Variants in THSD7B observed in about 807,000 individuals in gnomAD.
The protein encoded by THSD7B is thrombospondin type 1 domain containing 7B, also known as thrombospondin type-1 domain-containing protein 7B.
A neutral mutation model predicts 213.6 loss-of-function variants in THSD7B; 138 were observed. That is an observed-to-expected ratio of 0.65 (90% CI 0.56 to 0.74). The LOEUF (loss-of-function observed/expected upper bound fraction) is 0.74. THSD7B is among the 30% of genes least tolerant of loss of function. THSD7B has a pLI of 0.00. For synonymous variants in THSD7B, 742 were observed against 687.0 expected, an observed-to-expected ratio of 1.08 and a Z score of -1.25; for missense variants, 1,931 against 1,991.5, an observed-to-expected ratio of 0.97 and a Z score of 0.58.
intron 2 of THSD7B, chr2:136,990,875 T>C: frequency 7.5e-7 from 1 of 1,339,520 alleles, no homozygotes; most frequent in Non-Finnish European, 9.9e-7. Context: ...AGAAGTAAAA[T>C]ATTCAGAGGC....
At chr2:136,958,555 A>G (rs1257659523) in intron 2 of THSD7B, among the ~76,000 whole-genome samples, 1 of 152,234 alleles carries the variant, frequency 6.6e-6, no homozygotes. Context: ...GATATTGACC[A>G]AAGGGTAGAG....
chr2:137,530,838 T>C (rs1263833753), intron 15 of THSD7B, among the ~76,000 whole-genome samples: 1 of 152,022 alleles, frequency 6.6e-6, no homozygotes, highest in African/African-American at 2.4e-5. Context: ...AAGGCTTGAC[T>C]TCACAAGGAT....
chr2:137,474,736 T>C (rs1266313858), intron 15 of THSD7B, among the ~76,000 whole-genome samples: 1 of 152,224 alleles, frequency 6.6e-6, no homozygotes, highest in Non-Finnish European at 1.5e-5. Context: ...AGTCATTTAT[T>C]TGTTTGAATC....
Position 137,394,519 on chromosome 2 carries a change from A to G in THSD7B, c.2501-11094A>G, listed in dbSNP as rs1014925290. On this transcript the variant is annotated intron_variant, in intron 12 of 27. Coordinates refer to ENST00000409968, the MANE Select transcript of THSD7B (RefSeq NM_001316349.2). Reference sequence around the variant, plus strand: ...GGGCTGTGTTCTGTTCCATTGATCTATATCTCTGTTTTGGTACCAGTACCA... The same window carrying G: ...GGGCTGTGTTCTGTTCCATTGATCTGTATCTCTGTTTTGGTACCAGTACCA... Among the ~76,000 whole-genome samples, 796 of 135,902 alleles carry G rather than the reference A, an allele frequency of 5.9e-3. 101 individuals carry two copies. Among genetic ancestry groups the G allele is most frequent in the African/African-American group, 0.021 (756 of 36,596 alleles). The allele number at this position is 135,902 out of a possible 152,430, so 89.2% of individuals were successfully genotyped here.
At chr2:137,360,632 T>C (rs962717638) in intron 12 of THSD7B, among the ~76,000 whole-genome samples, 1 of 152,144 alleles carries the variant, frequency 6.6e-6, no homozygotes, top group Admixed American at 6.5e-5. Context: ...ATTGAACTGC[T>C]GGGCGGCAAG....
intron 12 of THSD7B, among the ~76,000 whole-genome samples, chr2:137,283,957 T>C (rs1438429804): frequency 6.6e-6 from 1 of 152,150 alleles, no homozygotes; most frequent in East Asian, 1.9e-4. Context: ...TTGATTGGAA[T>C]AGTTTCAGAA....
chr2:137,575,024 A>G (rs1273849324), intron 17 of THSD7B, among the ~76,000 whole-genome samples: 1 of 152,072 alleles, frequency 6.6e-6, no homozygotes, highest in Non-Finnish European at 1.5e-5. Flanking sequence ...ATTGGGACAA[A>G]TTCACTATTT....
chr2:137,476,485 G>T (rs1487471815), intron 15 of THSD7B, among the ~76,000 whole-genome samples: 1 of 152,024 alleles, frequency 6.6e-6, no homozygotes, highest in African/African-American at 2.4e-5. Flanking sequence ...ATCTCTGATT[G>T]ATTTTTATAT....
intron 10 of THSD7B, among the ~76,000 whole-genome samples, chr2:137,244,161 A>G (rs1681972512): frequency 6.6e-6 from 1 of 152,216 alleles, no homozygotes; most frequent in African/African-American, 2.4e-5. Context: ...GGGAATTTTA[A>G]TCATAATGTA....
intron 1 of THSD7B, among the ~76,000 whole-genome samples, chr2:136,835,952 T>C (rs1382256756): frequency 2.0e-5 from 3 of 152,176 alleles, no homozygotes; most frequent in Admixed American, 6.5e-5. Flanking sequence ...TAAACTAGTC[T>C]CATCAAAGTT....
At chr2:136,882,423 G>T in intron 2 of THSD7B, 106 bp downstream of exon 2, 1 of 1,157,114 alleles carries the variant, frequency 8.6e-7, no homozygotes. Flanking sequence ...TATCCAGAGA[G>T]GAAAAATAGA....
At chr2:137,398,880 A>T (rs1686276137) in intron 12 of THSD7B, among the ~76,000 whole-genome samples, 1 of 152,180 alleles carries the variant, frequency 6.6e-6, no homozygotes, top group Non-Finnish European at 1.5e-5. Flanking sequence ...ACCGTTTTTT[A>T]AGCCTGTCAG....
At chr2:137,623,458 A>C (rs979416156) in intron 20 of THSD7B, among the ~76,000 whole-genome samples, 4 of 152,178 alleles carry the variant, frequency 2.6e-5, no homozygotes, top group Admixed American at 1.3e-4. Flanking sequence ...TATTCAACAT[A>C]GTGTTGGAAG....
At chr2:137,298,304 A>G (rs1683515468) in intron 12 of THSD7B, among the ~76,000 whole-genome samples, 1 of 152,132 alleles carries the variant, frequency 6.6e-6, no homozygotes, top group Non-Finnish European at 1.5e-5. Flanking sequence ...TGGTGGAAGA[A>G]ATTTCTAAGT....
intron 14 of THSD7B, among the ~76,000 whole-genome samples, chr2:137,433,893 G>A (rs1687238086): frequency 6.6e-6 from 1 of 151,932 alleles, no homozygotes; most frequent in Non-Finnish European, 1.5e-5. Flanking sequence ...CTGCCCTTTG[G>A]GTACCATAAT....
chr2:137,424,369 A>G (rs1461638250), intron 14 of THSD7B, among the ~76,000 whole-genome samples: 1 of 152,176 alleles, frequency 6.6e-6, no homozygotes, highest in Non-Finnish European at 1.5e-5. Flanking sequence ...ATATATAACT[A>G]AAGAGGCTAG....
At chr2:137,074,144 A>G (rs1485695103) in intron 3 of THSD7B, among the ~76,000 whole-genome samples, 1 of 150,746 alleles carries the variant, frequency 6.6e-6, no homozygotes, top group African/African-American at 2.5e-5. Context: ...TATCCTTGTT[A>G]ACTTTCTGTC....
intron 17 of THSD7B, among the ~76,000 whole-genome samples, chr2:137,581,617 CAAA>C (rs951787084): frequency 1.3e-5 from 2 of 151,380 alleles, no homozygotes; most frequent in Non-Finnish European, 2.9e-5. Context: ...GACTCCGTTT[CAAA>C]AATAATAATT....
At chr2:137,559,574 TA>T (rs1307803858) in intron 15 of THSD7B, among the ~76,000 whole-genome samples, 1 of 152,166 alleles carries the variant, frequency 6.6e-6, no homozygotes, top group African/African-American at 2.4e-5. Context: ...CAGGATGGAC[TA>T]ATGACTTAAA....
Sources: gnomAD v4.1 joint callset for allele counts (sites outside exome capture counted in the v4.1 genomes callset) on GRCh38, gnomAD v4.1.1 for gene constraint, MANE v1.5 for transcripts, NCBI Gene and HGNC (gene_info 2026-07-23, HGNC 2026-07-21) for gene names.